The following LRP1B variants were observed in gnomAD, a reference collection of about 807,000 sequenced individuals.
LRP1B encodes the protein low-density lipoprotein receptor-related protein 1B.
A neutral mutation model predicts 556.6 loss-of-function variants in LRP1B; 217 were observed. That is an observed-to-expected ratio of 0.39 (90% CI 0.35 to 0.44). The LOEUF (loss-of-function observed/expected upper bound fraction) is 0.44, where lower values mean the gene tolerates loss of function less well. Among genes scored for constraint, LRP1B ranks in the 20% least tolerant of loss-of-function variants. LRP1B has a pLI of 1.00. For missense variants in LRP1B, 5,053 were observed against 5,620.8 expected, an observed-to-expected ratio of 0.90 and a Z score of 3.23; for synonymous variants, 2,047 against 1,865.8, an observed-to-expected ratio of 1.10 and a Z score of -2.50.
chr2:142,114,912 AAG>A (rs1707129167), intron 1 of LRP1B, among the ~76,000 whole-genome samples: 1 of 152,132 alleles, frequency 6.6e-6, no homozygotes, highest in African/African-American at 2.4e-5. Flanking sequence ...TGACAACAAA[AAG>A]AAATAATAAA....
At chr2:140,891,160 G>C (rs984249852) in intron 23 of LRP1B, among the ~76,000 whole-genome samples, 1 of 152,080 alleles carries the variant, frequency 6.6e-6, no homozygotes, top group Admixed American at 6.5e-5. Flanking sequence ...TATACTTTTT[G>C]TAAGTGACAA....
chr2:140,536,273 G>A (rs1453759275), intron 46 of LRP1B, among the ~76,000 whole-genome samples: 1 of 123,772 alleles, frequency 8.1e-6, no homozygotes, highest in South Asian at 2.6e-4. Flanking sequence ...TCAGGAGTTT[G>A]AGACCAGTCT....
intron 20 of LRP1B, among the ~76,000 whole-genome samples, chr2:140,931,632 A>G (rs1290175030): frequency 6.6e-6 from 1 of 152,208 alleles, no homozygotes; most frequent in Non-Finnish European, 1.5e-5. Flanking sequence ...TCAAAGAGTA[A>G]GTCGAAACGG....
Position 140,457,505 on chromosome 2 carries a change from T to G in LRP1B, c.9772A>C (p.Ile3258Leu). ...RLSLIYSWHAITDIQVYHSYR... is the reference protein window; with the variant it reads ...RLSLIYSWHALTDIQVYHSYR... Reference sequence around the variant, plus strand: ...GAATGATACACCTGGATATCTGTGATGGCATGCCATGAGTAAATCAGTGAG... The same window carrying G: ...GAATGATACACCTGGATATCTGTGAGGGCATGCCATGAGTAAATCAGTGAG... The change falls in exon 61 of 91, where the codon ATC becomes CTC. Residue 3258 changes from isoleucine to leucine, a missense_variant. Physicochemically the swap from Ile to Leu is conservative, Grantham distance 5 (BLOSUM62 2). Around this residue, in one of 5 missense-constraint regions of LRP1B, gnomAD observed 262 missense variants for 395.1 expected, o/e 0.66. Transcript: ENST00000389484. The G allele has an allele frequency of 1.2e-6, 2 of 1,613,798 alleles. No individual in the cohort carries two copies. The highest frequency in any genetic ancestry group is 3.3e-5 in the Admixed American group (2 of 60,004).
chr2:142,069,755 C>T (rs1336479665), intron 1 of LRP1B, among the ~76,000 whole-genome samples: 1 of 151,582 alleles, frequency 6.6e-6, no homozygotes, highest in East Asian at 1.9e-4. Flanking sequence ...GGATAACAAG[C>T]CTGTAAGAGG....
chr2:140,877,341 A>T (rs1693341813), intron 25 of LRP1B, among the ~76,000 whole-genome samples: 1 of 152,122 alleles, frequency 6.6e-6, no homozygotes, highest in Non-Finnish European at 1.5e-5. Context: ...ATGAGACTTC[A>T]CAACCTGCTA....
At chr2:141,906,347 T>C (rs1699760448) in intron 1 of LRP1B, among the ~76,000 whole-genome samples, 1 of 152,006 alleles carries the variant, frequency 6.6e-6, no homozygotes, top group Admixed American at 6.6e-5. Context: ...ATTCTTCTTT[T>C]TTCGTATATG....
chr2:142,100,033 T>A (rs1194151732), intron 1 of LRP1B, among the ~76,000 whole-genome samples: 4 of 151,968 alleles, frequency 2.6e-5, no homozygotes, highest in Non-Finnish European at 5.9e-5. Context: ...GATTCTAATT[T>A]CACAAACAAT....
intron 2 of LRP1B, among the ~76,000 whole-genome samples, chr2:141,749,337 G>A (rs192774216): frequency 7.9e-5 from 12 of 152,160 alleles, no homozygotes; most frequent in South Asian, 2.1e-4. Context: ...CTTTATTGAC[G>A]TAATCAGATT....
At chr2:141,629,681 G>A (rs1451437372) in intron 2 of LRP1B, among the ~76,000 whole-genome samples, 3 of 152,082 alleles carry the variant, frequency 2.0e-5, no homozygotes, top group East Asian at 1.9e-4. Flanking sequence ...GTATGAGGTT[G>A]GTATTTCCAG....
At chr2:140,461,788 C>T (rs1179864670) in intron 60 of LRP1B, among the ~76,000 whole-genome samples, 3 of 151,814 alleles carry the variant, frequency 2.0e-5, no homozygotes, top group South Asian at 2.1e-4. Flanking sequence ...GAGCTGTGAT[C>T]GCGCCATTGC....
chr2:140,779,714 A>T (rs1689625887), intron 32 of LRP1B, among the ~76,000 whole-genome samples: 8 of 136,288 alleles, frequency 5.9e-5, no homozygotes, highest in African/African-American at 2.2e-4. Flanking sequence ...AAAAAAAAAA[A>T]GTGTGTGTGT....
chr2:140,844,213 C>T (rs1421341730), intron 29 of LRP1B, among the ~76,000 whole-genome samples: 1 of 152,042 alleles, frequency 6.6e-6, no homozygotes, highest in African/African-American at 2.4e-5. Flanking sequence ...AGGCATGCGC[C>T]ACCACGCCCA....
chr2:140,426,519 G>T (rs993788162), intron 66 of LRP1B, among the ~76,000 whole-genome samples: 2 of 152,042 alleles, frequency 1.3e-5, no homozygotes, highest in African/African-American at 4.8e-5. Flanking sequence ...GCCTGTTCCT[G>T]CCTTAACTGA....
chr2:141,582,152 T>C (rs1444816461), intron 2 of LRP1B, among the ~76,000 whole-genome samples: 1 of 152,246 alleles, frequency 6.6e-6, no homozygotes, highest in Admixed American at 6.5e-5. Context: ...AATAGGTTTT[T>C]ATTTTTTATT....
intron 35 of LRP1B, among the ~76,000 whole-genome samples, chr2:140,732,001 A>C (rs1223375755): frequency 6.6e-6 from 1 of 152,166 alleles, no homozygotes; most frequent in Non-Finnish European, 1.5e-5. Flanking sequence ...TTAAAATTAC[A>C]AAAAATGTTT....
chr2:141,710,541 C>G (rs989266116), intron 2 of LRP1B, among the ~76,000 whole-genome samples: 4 of 152,142 alleles, frequency 2.6e-5, no homozygotes, highest in African/African-American at 4.8e-5. Flanking sequence ...AAGTGCATCA[C>G]CTGTTGCTCT....
At chr2:141,975,573 C>T (rs1208499329) in intron 1 of LRP1B, among the ~76,000 whole-genome samples, 1 of 152,062 alleles carries the variant, frequency 6.6e-6, no homozygotes, top group African/African-American at 2.4e-5. Flanking sequence ...GGCTTAAGGA[C>T]CCTTCAGCTG....
chr2:140,613,669 T>C (rs578443), intron 41 of LRP1B, among the ~76,000 whole-genome samples: 149,852 of 151,608 alleles, frequency 0.99, 74,087 homozygotes, highest in Middle Eastern at 1. Context: ...CTTAATCCAC[T>C]CTTCTCTGCC....
Sources: gnomAD v4.1 joint callset for allele counts (sites outside exome capture counted in the v4.1 genomes callset) on GRCh38, gnomAD v4.1.1 for gene constraint, gnomAD v4.1.1 regional missense constraint, MANE v1.5 for transcripts, NCBI Gene and HGNC (gene_info 2026-07-23, HGNC 2026-07-21) for gene names.